POC1B: variants seen among roughly 807,000 people sequenced by gnomAD.
The protein encoded by POC1B is POC1 centriolar protein B, also known as POC1 centriolar protein homolog B.
Under a neutral mutation model 60.6 loss-of-function variants are expected in POC1B, and 44 were observed. The ratio of observed to expected loss-of-function variants is 0.73; its 90% CI spans 0.57 to 0.93. The LOEUF (loss-of-function observed/expected upper bound fraction) is 0.93. Ranked by LOEUF, POC1B falls within the 40% of genes least tolerant of loss-of-function variation. The pLI, the probability that POC1B is intolerant of heterozygous loss-of-function variation, is 0.00. For synonymous variants in POC1B, 180 were observed against 198.9 expected (o/e 0.90, Z 0.80); for missense variants, 555 against 572.3 (o/e 0.97, Z 0.31).
At chr12:89,431,434 T>TACAC (rs370664797) in intron 10 of POC1B, among the ~76,000 whole-genome samples, 199 of 149,592 alleles carry the variant, frequency 1.3e-3, no homozygotes, top group South Asian at 4.7e-3. Flanking sequence ...TTTAAATCAC[T>TACAC]ACACACACAC....
chr12:89,437,481 G>A (rs1382579811), intron 10 of POC1B, among the ~76,000 whole-genome samples: 8 of 151,998 alleles, frequency 5.3e-5, no homozygotes, highest in South Asian at 2.1e-4. Flanking sequence ...AGCTGTCCTC[G>A]TTCCTCTTAT....
chr12:89,415,114 G>T (rs929977885), downstream of POC1B, among the ~76,000 whole-genome samples: 2 of 152,198 alleles, frequency 1.3e-5, no homozygotes, highest in Non-Finnish European at 2.9e-5. Flanking sequence ...TTCCTCAGGA[G>T]TTGCTCAATT....
intron 4 of POC1B, among the ~76,000 whole-genome samples, chr12:89,484,975 A>G (rs1173794889): frequency 6.6e-6 from 1 of 152,242 alleles, no homozygotes; most frequent in Non-Finnish European, 1.5e-5. Context: ...CCCAGGGCTC[A>G]CTGAAAAGCC....
At chr12:89,432,077 C>T (rs1242005657) in intron 10 of POC1B, among the ~76,000 whole-genome samples, 3 of 152,042 alleles carry the variant, frequency 2.0e-5, no homozygotes, top group African/African-American at 7.2e-5. Context: ...CCAGGATAAC[C>T]TCCCCATCTC....
chr12:89,426,266 A>G (rs1880760100), intron 10 of POC1B: 1 of 152,164 alleles, frequency 6.6e-6, no homozygotes, highest in Non-Finnish European at 1.5e-5. Flanking sequence ...CTCAATGAGT[A>G]CAGAGTTTCT....
In POC1B at chr12:89,421,017, C is replaced by T; in HGVS notation, c.*136G>A. The stretch of plus-strand genomic sequence containing the variant: ...GCCTTTTCTGCCTTTTGTTCTGTTG[C>T]TCACCCTTTTAAGAAATGCCATGAT... On this transcript the variant is annotated 3_prime_UTR_variant, in exon 12 of 12. Coordinates refer to ENST00000313546, the MANE Select transcript of POC1B (RefSeq NM_172240.3). The T allele has an allele frequency of 3.3e-6, 2 of 611,714 alleles. No individual in the cohort carries two copies. Among genetic ancestry groups the T allele is most frequent in the South Asian group, 3.2e-5 (1 of 31,012 alleles). 37.9% of individuals were successfully genotyped at this position (611,714 alleles called of 1,614,324 possible).
intron 10 of POC1B, among the ~76,000 whole-genome samples, chr12:89,446,562 T>A (rs1881797447): frequency 6.6e-6 from 1 of 152,040 alleles, no homozygotes; most frequent in African/African-American, 2.4e-5. Context: ...TGAGAATACT[T>A]GGACACAGGG....
chr12:89,444,404 A>G (rs548891701), intron 10 of POC1B, among the ~76,000 whole-genome samples: 5 of 152,344 alleles, frequency 3.3e-5, no homozygotes, highest in Non-Finnish European at 5.9e-5. Flanking sequence ...AAGCTTATCC[A>G]CCACGATCAA....
intron 11 of POC1B, among the ~76,000 whole-genome samples, chr12:89,424,364 C>A (rs1310045407): frequency 6.6e-6 from 1 of 152,128 alleles, no homozygotes; most frequent in African/African-American, 2.4e-5. Flanking sequence ...AATGTACAGT[C>A]AGGGTTGAGA....
chr12:89,511,817 G>A (rs1870203196), intron 2 of POC1B, among the ~76,000 whole-genome samples: 1 of 152,200 alleles, frequency 6.6e-6, no homozygotes, highest in Admixed American at 6.5e-5. Context: ...ACTTTGGGAG[G>A]CCAAGGCAGG....
At chr12:89,514,402 C>T (rs376507354) in intron 2 of POC1B, among the ~76,000 whole-genome samples, 160 of 67,022 alleles carry the variant, frequency 2.4e-3, no homozygotes, top group South Asian at 4.2e-3. Context: ...TCATGTATTT[C>T]TTTTTTTTTT....
At chr12:89,520,001 A>C (rs1194312054) in intron 2 of POC1B, 1 of 152,182 alleles carries the variant, frequency 6.6e-6, no homozygotes, top group African/African-American at 2.4e-5. Context: ...GGTACCAATA[A>C]ATTCGAATTA....
intron 6 of POC1B, 42 bp downstream of exon 6, chr12:89,471,572 A>G (rs1333998772): frequency 6.9e-7 from 1 of 1,442,188 alleles, no homozygotes; most frequent in Non-Finnish European, 9.8e-7. Flanking sequence ...TTCCAAAAGG[A>G]GTCCATTCGG....
At chr12:89,512,440 A>G (rs551935207) in intron 2 of POC1B, among the ~76,000 whole-genome samples, 19 of 152,134 alleles carry the variant, frequency 1.2e-4, no homozygotes, top group Admixed American at 5.9e-4. Context: ...AATTGGTACC[A>G]TGGGCCTAGT....
intron 10 of POC1B, among the ~76,000 whole-genome samples, chr12:89,439,048 T>G (rs1881400639): frequency 6.6e-6 from 1 of 152,204 alleles, no homozygotes; most frequent in African/African-American, 2.4e-5. Flanking sequence ...TGCTTACATA[T>G]CTCTCAAACG....
chr12:89,500,488 C>G, intron 2 of POC1B: 2 of 1,591,672 alleles, frequency 1.3e-6, no homozygotes, highest in South Asian at 2.2e-5. Context: ...ATACACCTGA[C>G]TTGAAAAAAA....
intron 1 of POC1B, 159 bp downstream of exon 1, chr12:89,525,722 G>GA: frequency 1.3e-5 from 17 of 1,262,410 alleles, no homozygotes; most frequent in Non-Finnish European, 1.6e-5. Context: ...CCCGATGGCA[G>GA]AGAGTGAGAT....
At chr12:89,514,402 C>CTTATTTTTTTTTTTTTTTTTTTT (rs772337483) in intron 2 of POC1B, among the ~76,000 whole-genome samples, 1 of 67,088 alleles carries the variant, frequency 1.5e-5, no homozygotes, top group South Asian at 7.0e-4. Flanking sequence ...TCATGTATTT[C>CTTATTTTTTTTTTTTTTTTTTTT]TTTTTTTTTT....
chr12:89,487,980 G>A (rs1216737662), intron 4 of POC1B, among the ~76,000 whole-genome samples: 1 of 152,062 alleles, frequency 6.6e-6, no homozygotes, highest in Non-Finnish European at 1.5e-5. Flanking sequence ...TCGGCTCCCT[G>A]AGGCCAAGAC....
Sources: allele counts gnomAD v4.1 joint callset (sites outside exome capture counted in the v4.1 genomes callset), GRCh38; gene constraint gnomAD v4.1.1; transcripts MANE v1.5; gene names NCBI Gene and HGNC (gene_info 2026-07-23, HGNC 2026-07-21).